AGBL4: variants seen among roughly 807,000 people sequenced by gnomAD.
AGBL4 encodes cytosolic carboxypeptidase 6.
In AGBL4, 58 loss-of-function variants were observed where a neutral mutation model predicts 66.4. The observed-to-expected ratio is 0.87, with a 90% CI of 0.71 to 1.09. AGBL4 has a LOEUF of 1.09. Among genes scored for constraint, AGBL4 ranks in the 50% least tolerant of loss-of-function variants. The pLI is 0.00. For missense variants in AGBL4, 579 were observed against 631.0 expected, an observed-to-expected ratio of 0.92 and a Z score of 0.88; for synonymous variants, 234 against 222.9, an observed-to-expected ratio of 1.05 and a Z score of -0.44.
chr1:49,922,455 G>A lies in AGBL4; in HGVS notation c.35-70937C>T, dbSNP rs915939173. ...ACATCGTATTTGAAGTCCTCGCCAG[G>A]GCAATCGGGAGAGAGAAAGAAATAA... On this transcript the variant is annotated intron_variant, in intron 1 of 13. Transcript: ENST00000371839. Among the ~76,000 whole-genome samples the A allele has an allele frequency of 3.3e-5, 5 of 152,020 alleles. No individual in the cohort carries two copies. The South Asian group carries it at 8.3e-4, about 25-fold the overall frequency.
chr1:49,331,361 G>T (rs1031639284), intron 3 of AGBL4, among the ~76,000 whole-genome samples: 1 of 152,078 alleles, frequency 6.6e-6, no homozygotes, highest in African/African-American at 2.4e-5. Flanking sequence ...GCCAGCCACC[G>T]GACACAGGGT....
chr1:49,747,261 C>T (rs1651059160), intron 2 of AGBL4, among the ~76,000 whole-genome samples: 1 of 152,122 alleles, frequency 6.6e-6, no homozygotes, highest in Non-Finnish European at 1.5e-5. Context: ...CTATGACTGT[C>T]CTTTGCTCAT....
intron 3 of AGBL4, among the ~76,000 whole-genome samples, chr1:49,358,008 C>T (rs1644056119): frequency 6.6e-6 from 1 of 152,150 alleles, no homozygotes; most frequent in African/African-American, 2.4e-5. Flanking sequence ...TCCACTCCAC[C>T]ACAATTAGTA....
intron 2 of AGBL4, among the ~76,000 whole-genome samples, chr1:49,808,599 G>A (rs1421894129): frequency 2.0e-5 from 3 of 152,054 alleles, no homozygotes; most frequent in East Asian, 1.9e-4. Flanking sequence ...CTGAACATGA[G>A]GACTTATAAT....
At chr1:49,451,689 A>C (rs1646280783) in intron 3 of AGBL4, among the ~76,000 whole-genome samples, 1 of 151,982 alleles carries the variant, frequency 6.6e-6, no homozygotes, top group African/African-American at 2.4e-5. Context: ...ACACTGACTT[A>C]TTTACACAAT....
At chr1:49,580,612 G>T (rs1644523491) in intron 3 of AGBL4, among the ~76,000 whole-genome samples, 1 of 152,132 alleles carries the variant, frequency 6.6e-6, no homozygotes, top group African/African-American at 2.4e-5. Context: ...GCATTTGCTT[G>T]TCTGGGAAAG....
At chr1:49,899,541 C>T (rs182798585) in intron 1 of AGBL4, among the ~76,000 whole-genome samples, 23 of 151,888 alleles carry the variant, frequency 1.5e-4, no homozygotes, top group Admixed American at 7.2e-4. Flanking sequence ...CACATCCCTT[C>T]TGGGCCACTT....
At chr1:49,764,049 T>C (rs1652545031) in intron 2 of AGBL4, among the ~76,000 whole-genome samples, 2 of 151,976 alleles carry the variant, frequency 1.3e-5, no homozygotes, top group South Asian at 4.1e-4. Flanking sequence ...CAGCCATACT[T>C]CACGCTGCGC....
At chr1:49,618,246 G>A (rs2124280062) in intron 3 of AGBL4, among the ~76,000 whole-genome samples, 1 of 152,196 alleles carries the variant, frequency 6.6e-6, no homozygotes, top group South Asian at 2.1e-4. Flanking sequence ...TCTTTCTCCA[G>A]TCTATCATTA....
intron 3 of AGBL4, among the ~76,000 whole-genome samples, chr1:49,416,862 A>C (rs970628117): frequency 1.3e-5 from 2 of 152,116 alleles, no homozygotes; most frequent in African/African-American, 4.8e-5. Flanking sequence ...TCACACCTAC[A>C]TGCAACAATG....
rs1647277299 is a variant in AGBL4 at position 49,493,707 on chromosome 1, C to A, written c.282+203606G>T. Among the ~76,000 whole-genome samples the A allele has an allele frequency of 2.6e-5, 4 of 151,934 alleles. No individual in the cohort carries two copies. The South Asian group carries it at 8.3e-4, about 32-fold the overall frequency. Reference sequence around the variant, plus strand: ...CTTCTCATAAGAACTTGTAGTCAAACCAATGTGCTTCCCAAATCTTAGTCA... The same window carrying A: ...CTTCTCATAAGAACTTGTAGTCAAAACAATGTGCTTCCCAAATCTTAGTCA... On this transcript the variant is annotated intron_variant, in intron 3 of 13. Coordinates refer to ENST00000371839, the MANE Select transcript of AGBL4 (RefSeq NM_032785.4).
At chr1:49,504,130 T>G (rs1648461221) in intron 3 of AGBL4, among the ~76,000 whole-genome samples, 1 of 152,114 alleles carries the variant, frequency 6.6e-6, no homozygotes, top group South Asian at 2.1e-4. Flanking sequence ...CTGGTGATAG[T>G]GAGTGTGTCT....
intron 1 of AGBL4, among the ~76,000 whole-genome samples, chr1:49,932,042 T>C (rs1653416715): frequency 1.3e-5 from 2 of 152,136 alleles, no homozygotes; most frequent in Non-Finnish European, 1.5e-5. Flanking sequence ...AATGATCAAC[T>C]GGTAACTATA....
chr1:49,934,623 C>A (rs1653737769), intron 1 of AGBL4, among the ~76,000 whole-genome samples: 1 of 151,948 alleles, frequency 6.6e-6, no homozygotes, highest in Non-Finnish European at 1.5e-5. Context: ...AAAATGTCAA[C>A]AAAATATACC....
chr1:49,467,991 A>G (rs1418543767), intron 3 of AGBL4, among the ~76,000 whole-genome samples: 2 of 151,838 alleles, frequency 1.3e-5, no homozygotes, highest in African/African-American at 4.8e-5. Context: ...ATTGTAAAAC[A>G]TTAAGCTAAT....
intron 3 of AGBL4, among the ~76,000 whole-genome samples, chr1:49,590,594 G>C (rs547984799): frequency 6.6e-6 from 1 of 151,876 alleles, no homozygotes; most frequent in African/African-American, 2.4e-5. Flanking sequence ...AAAGTTTTAC[G>C]TAAGAGAGCG....
At chr1:49,109,178 C>A (rs951058019) in intron 4 of AGBL4, among the ~76,000 whole-genome samples, 9 of 152,188 alleles carry the variant, frequency 5.9e-5, no homozygotes, top group Non-Finnish European at 8.8e-5. Flanking sequence ...CTTCTCTCCT[C>A]GGTAGCATCA....
intron 3 of AGBL4, among the ~76,000 whole-genome samples, chr1:49,688,748 C>A (rs557490272): frequency 1.3e-5 from 2 of 152,026 alleles, no homozygotes; most frequent in African/African-American, 4.8e-5. Context: ...TATTGCCTGT[C>A]TTTTGGATAT....
chr1:48,603,446 G>A (rs528153526), intron 9 of AGBL4, among the ~76,000 whole-genome samples: 5 of 152,190 alleles, frequency 3.3e-5, no homozygotes, highest in East Asian at 1.9e-4. Context: ...CTCCAGCCTC[G>A]CAACAGAGCA....
Sources: gnomAD v4.1 joint callset for allele counts (sites outside exome capture counted in the v4.1 genomes callset) on GRCh38, gnomAD v4.1.1 for gene constraint, MANE v1.5 for transcripts, NCBI Gene and HGNC (gene_info 2026-07-23, HGNC 2026-07-21) for gene names.